MOCOS: variants seen among roughly 807,000 people sequenced by gnomAD.
MOCOS encodes human molybdenum cofactor sulfurase.
A neutral mutation model predicts 83.6 loss-of-function variants in MOCOS; 86 were observed. The ratio of observed to expected loss-of-function variants is 1.03; its 90% CI spans 0.86 to 1.23. MOCOS has a LOEUF of 1.23. Among genes scored for constraint, MOCOS ranks in the 50% most tolerant of loss-of-function variants. MOCOS has a pLI of 0.00. For missense variants in MOCOS, 1,120 were observed against 1,126.9 expected, an observed-to-expected ratio of 0.99 and a Z score of 0.09; for synonymous variants, 445 against 434.7, an observed-to-expected ratio of 1.02 and a Z score of -0.29.
At chr18:36,190,466 C>A (rs913572414) in intron 1 of MOCOS, among the ~76,000 whole-genome samples, 21 of 152,170 alleles carry the variant, frequency 1.4e-4, no homozygotes, top group African/African-American at 4.8e-4. Context: ...GTGTGTAGCA[C>A]AAACTGGGTA....
chr18:36,245,121 A>G (rs1173595408), intron 9 of MOCOS, among the ~76,000 whole-genome samples: 1 of 152,186 alleles, frequency 6.6e-6, no homozygotes, highest in Admixed American at 6.5e-5. Context: ...GGCCATTTAC[A>G]TTCAAACATT....
rs116667630 is a variant in MOCOS, at chr18:36,258,005, G to C, written c.2270+932G>C. ...TCATTCTCATACTGTGGCCCAGCTC[G>C]CTATCTTTGAGAGCAAAAGTGTGAT... On this transcript the variant is annotated intron_variant, in intron 12 of 14. Coordinates refer to ENST00000261326, the MANE Select transcript of MOCOS (RefSeq NM_017947.4). Among the ~76,000 whole-genome samples the C allele has an allele frequency of 5.3e-5, 8 of 152,280 alleles. No individual in the cohort carries two copies. In the South Asian group the frequency reaches 1.5e-3, roughly 28 times the overall value.
chr18:36,214,270 A>G lies in MOCOS; in HGVS notation c.1335+788A>G, dbSNP rs1298615543. ...AAAAAAAAAAAAAAAAAAGAAAAGA[A>G]AAAAAAGAAAATGCTTCAAGATATT... On this transcript the variant is annotated intron_variant, in intron 7 of 14. Coordinates refer to ENST00000261326, the MANE Select transcript of MOCOS (RefSeq NM_017947.4). Among the ~76,000 whole-genome samples the G allele has an allele frequency of 5.9e-4, 5 of 8,544 alleles. No homozygotes were observed. The Non-Finnish European group carries it at 7.7e-3, about 13-fold the overall frequency. The allele number at this position is 8,544 out of a possible 152,430, so 5.6% of individuals were successfully genotyped here.
At chr18:36,225,261 C>T (rs976734737) in intron 9 of MOCOS, among the ~76,000 whole-genome samples, 3 of 152,102 alleles carry the variant, frequency 2.0e-5, no homozygotes, top group Non-Finnish European at 2.9e-5. Context: ...AAGTGATTCT[C>T]CTGCCTCAGC....
chr18:36,256,990 C>A lies in MOCOS; in HGVS notation c.2187C>A (p.Ala729=). 2 of 1,614,098 alleles carry A rather than the reference C, an allele frequency of 1.2e-6. No homozygotes were observed. The highest frequency in any genetic ancestry group is 2.7e-5 in the African/African-American group (2 of 75,036). Residue 729 remains alanine, a synonymous_variant, in exon 12 of 15, where the codon GCC becomes GCA. Transcript: ENST00000261326. ...HGKDQLPGTM[A]TLSLVNEAQY... ...CAGATCAACTTCCTGGTACAATGGC[C>A]ACCCTTTCTCTGGTGAATGAGGCAC...
chr18:36,198,623 T>G (rs1215477363), intron 2 of MOCOS, 67 bp from the exon 3 acceptor site: 2 of 1,505,070 alleles, frequency 1.3e-6, no homozygotes, highest in African/African-American at 2.8e-5. Context: ...GGGAGTGGAT[T>G]CAGAAGGAAC....
chr18:36,202,037 T>C (rs988179006), intron 4 of MOCOS, among the ~76,000 whole-genome samples: 4 of 152,166 alleles, frequency 2.6e-5, no homozygotes, highest in Non-Finnish European at 5.9e-5. Flanking sequence ...TTTCCTTTGA[T>C]TCAGGTAGAT....
Position 36,265,250 on chromosome 18 carries a change from C to T in MOCOS, c.2410-1499C>T, listed in dbSNP as rs575896913. Reference sequence around the variant, plus strand: ...CATGCAAGACATGGATCATGAAAAGCATGAGATGCATGAAGGACATGGAGG... The same window carrying T: ...CATGCAAGACATGGATCATGAAAAGTATGAGATGCATGAAGGACATGGAGG... On this transcript the variant is annotated intron_variant, in intron 13 of 14. Coordinates refer to ENST00000261326, the MANE Select transcript of MOCOS (RefSeq NM_017947.4). 2.0e-3 allele frequency among the ~76,000 whole-genome samples: 308 copies of T among 152,322 alleles called. 1 individual carries two copies. The highest frequency in any genetic ancestry group is 7.1e-3 in the African/African-American group (294 of 41,578).
intron 6 of MOCOS, among the ~76,000 whole-genome samples, chr18:36,207,707 GC>G (rs139103197): frequency 0.036 from 5,465 of 152,180 alleles, 280 homozygotes; most frequent in African/African-American, 0.11. Flanking sequence ...TTTATTAGAT[GC>G]ATAGTTTGCA....
At position 36,251,139 on chromosome 18, in the gene MOCOS, T is replaced by TTC. The variant is rs774271338; in HGVS notation, c.2040-10_2040-9dup. The TTC allele has an allele frequency of 1.9e-6, 3 of 1,606,424 alleles. No homozygotes were observed. Among genetic ancestry groups the TTC allele is most frequent in the South Asian group, 2.2e-5 (2 of 90,910 alleles). On this transcript the variant is annotated intron_variant, in intron 10 of 14. Transcript: ENST00000261326. ...TAAATACTATGTAACAGTTCACTCT[T>TTC]TCTCTCTCTCTTTTGCCAGAGTAAG... is the stretch of plus-strand genomic sequence containing the variant.
At position 36,198,736 on chromosome 18, in the gene MOCOS, T is replaced by C. The variant is rs2091400310; in HGVS notation, c.279T>C (p.Thr93=). 1.2e-6 allele frequency: 2 copies of C among 1,614,090 alleles called. No homozygotes were observed. The highest frequency in any genetic ancestry group is 1.1e-5 in the South Asian group (1 of 91,088). The change falls in exon 3 of 15, where the codon ACT becomes ACC. Residue 93 remains threonine (T), a synonymous_variant. Coordinates refer to ENST00000261326, the MANE Select transcript of MOCOS (RefSeq NM_017947.4). ...QNISSKLTHD[T]VEQVRYRILA... is the part of the protein sequence containing the mutation. ...TCAGCAGCAAGCTCACCCATGACAC[T>C]GTGGAGCAGGTGCGCTACAGGTAAG...
At chr18:36,232,853 A>C (rs55962637) in intron 9 of MOCOS, among the ~76,000 whole-genome samples, 1 of 54,814 alleles carries the variant, frequency 1.8e-5, no homozygotes, top group Non-Finnish European at 4.3e-5. Context: ...ATAATATTCC[A>C]TTACACACAC....
chr18:36,191,743 T>C (rs61655380), intron 1 of MOCOS, among the ~76,000 whole-genome samples: 22,375 of 81,380 alleles, frequency 0.27, 1,860 homozygotes, highest in East Asian at 0.45. Flanking sequence ...ACACTTAAAA[T>C]ACGTGTGCAC....
intron 13 of MOCOS, among the ~76,000 whole-genome samples, chr18:36,266,109 C>T (rs2091680777): frequency 6.6e-6 from 1 of 152,092 alleles, no homozygotes; most frequent in Non-Finnish European, 1.5e-5. Flanking sequence ...TCTCTGATGA[C>T]CTTCTCACAG....
intron 9 of MOCOS, among the ~76,000 whole-genome samples, chr18:36,240,456 G>A (rs1598587440): frequency 6.6e-6 from 1 of 150,572 alleles, no homozygotes; most frequent in East Asian, 2.0e-4. Context: ...CGGGGGTCAG[G>A]GGTCAGGGAC....
At chr18:36,220,791 C>T (rs1030049508) in intron 9 of MOCOS, among the ~76,000 whole-genome samples, 4 of 151,952 alleles carry the variant, frequency 2.6e-5, no homozygotes, top group African/African-American at 7.2e-5. Flanking sequence ...CATGGTGGCA[C>T]GTGCCTGTGA....
intron 1 of MOCOS, among the ~76,000 whole-genome samples, chr18:36,191,061 C>G (rs1457206796): frequency 6.8e-6 from 1 of 146,768 alleles, no homozygotes; most frequent in African/African-American, 2.5e-5. Flanking sequence ...GTAGCACCTG[C>G]CCCTTCACAA....
At chr18:36,234,446 T>A (rs1334407707) in intron 9 of MOCOS, among the ~76,000 whole-genome samples, 1 of 152,198 alleles carries the variant, frequency 6.6e-6, no homozygotes, top group Non-Finnish European at 1.5e-5. Flanking sequence ...TGTATTATAG[T>A]TTGAAGTTGG....
intron 9 of MOCOS, among the ~76,000 whole-genome samples, chr18:36,237,440 A>G (rs1356650815): frequency 6.6e-6 from 1 of 152,108 alleles, no homozygotes; most frequent in Non-Finnish European, 1.5e-5. Context: ...ACATTTATTG[A>G]TTTGCATATA....
Sources: gnomAD v4.1 joint callset for allele counts (sites outside exome capture counted in the v4.1 genomes callset) on GRCh38, gnomAD v4.1.1 for gene constraint, MANE v1.5 for transcripts, NCBI Gene and HGNC (gene_info 2026-07-23, HGNC 2026-07-21) for gene names.